TBC1D14: variants seen among roughly 807,000 people sequenced by gnomAD.
The protein encoded by TBC1D14 is TBC1 domain family, member 14.
Under a neutral mutation model 79.0 loss-of-function variants are expected in TBC1D14, and 26 were observed. The observed-to-expected ratio is 0.33, with a 90% CI of 0.24 to 0.46. TBC1D14 has a LOEUF of 0.46. TBC1D14 is among the 20% of genes least tolerant of loss of function. The pLI is 1.00. For missense variants in TBC1D14, 769 were observed against 887.6 expected, an observed-to-expected ratio of 0.87 and a Z score of 1.70; for synonymous variants, 394 against 349.9, an observed-to-expected ratio of 1.13 and a Z score of -1.40.
In TBC1D14 at chr4:6,923,635, C is replaced by T. The variant is rs142845338; in HGVS notation, c.246C>T (p.Ser82=). ...GGAACCCGGAGCCTGTACCCTGCAGCGCGGTCCACGTGAGGAGGAAGCAGT... is the reference window on the plus strand; with the variant it reads ...GGAACCCGGAGCCTGTACCCTGCAGTGCGGTCCACGTGAGGAGGAAGCAGT... ...EIGNPEPVPC[S]AVHVRRKQSD... The change falls in exon 2 of 14, where the codon AGC becomes AGT. Residue 82 remains serine (S), a synonymous_variant. Transcript: ENST00000409757. The T allele has an allele frequency of 2.3e-5, 37 of 1,613,930 alleles. 1 individual carries two copies. The highest frequency in any genetic ancestry group is 1.2e-4 in the African/African-American group (9 of 75,058).
chr4:6,987,608 C>G (rs1455555062), intron 3 of TBC1D14: 5 of 391,428 alleles, frequency 1.3e-5, no homozygotes, highest in African/African-American at 8.3e-5. Flanking sequence ...TTCTGGTTCA[C>G]GTTTACTAGG....
intron 13 of TBC1D14, among the ~76,000 whole-genome samples, chr4:7,028,606 TA>T (rs1480127886): frequency 1.3e-5 from 2 of 152,098 alleles, no homozygotes; most frequent in African/African-American, 4.8e-5. Context: ...TTTGTATTTT[TA>T]GTAGAGACGG....
At chr4:6,919,482 G>C (rs1226140524) in intron 1 of TBC1D14, among the ~76,000 whole-genome samples, 1 of 151,896 alleles carries the variant, frequency 6.6e-6, no homozygotes, top group Non-Finnish European at 1.5e-5. Flanking sequence ...ACTTTTGTCT[G>C]TATTTTTGCC....
At chr4:6,932,531 G>A (rs1711858622) in intron 2 of TBC1D14, among the ~76,000 whole-genome samples, 2 of 152,104 alleles carry the variant, frequency 1.3e-5, no homozygotes, top group African/African-American at 2.4e-5. Context: ...GAAGGGATAG[G>A]GTCAGTGGGA....
intron 2 of TBC1D14, among the ~76,000 whole-genome samples, chr4:6,955,875 G>A (rs193275659): frequency 1.3e-3 from 200 of 152,272 alleles, no homozygotes; most frequent in Non-Finnish European, 2.5e-3. Context: ...ACGTAAGTCC[G>A]AGTCGCAGCT....
At chr4:6,969,954 TG>T (rs956929567) in intron 3 of TBC1D14, among the ~76,000 whole-genome samples, 9 of 152,118 alleles carry the variant, frequency 5.9e-5, no homozygotes, top group African/African-American at 2.2e-4. Flanking sequence ...CCAAGGGACT[TG>T]GTGAAGCCTG....
intron 4 of TBC1D14, among the ~76,000 whole-genome samples, chr4:6,996,104 G>A (rs1011315055): frequency 1.3e-5 from 2 of 152,242 alleles, no homozygotes; most frequent in Non-Finnish European, 2.9e-5. Context: ...CCAAAGTGCT[G>A]GGATTGCAGG....
intron 3 of TBC1D14, among the ~76,000 whole-genome samples, chr4:6,992,931 AGG>A (rs1182712229): frequency 6.6e-6 from 1 of 152,208 alleles, no homozygotes; most frequent in Non-Finnish European, 1.5e-5. Flanking sequence ...ATATACATCC[AGG>A]TGTACAGAAA....
At chr4:6,982,286 A>G (rs1717448017) in intron 3 of TBC1D14, among the ~76,000 whole-genome samples, 1 of 152,240 alleles carries the variant, frequency 6.6e-6, no homozygotes, top group Non-Finnish European at 1.5e-5. Flanking sequence ...TGACTCAGTA[A>G]TAAACACACC....
At chr4:7,027,102 T>G (rs1460283923) in intron 13 of TBC1D14, among the ~76,000 whole-genome samples, 1 of 151,950 alleles carries the variant, frequency 6.6e-6, no homozygotes, top group Non-Finnish European at 1.5e-5. Flanking sequence ...TCCCAGCTAC[T>G]CGGGAGGCTG....
intron 2 of TBC1D14, among the ~76,000 whole-genome samples, chr4:6,937,653 CAGCCATGTT>C (rs1712470895): frequency 1.3e-5 from 2 of 152,204 alleles, no homozygotes; most frequent in African/African-American, 4.8e-5. Flanking sequence ...CGTCTTTCTC[CAGCCATGTT>C]TTTTGCACAG....
At chr4:6,976,940 A>G (rs1265514556) in intron 3 of TBC1D14, among the ~76,000 whole-genome samples, 5 of 151,648 alleles carry the variant, frequency 3.3e-5, no homozygotes, top group East Asian at 1.9e-4. Context: ...TTGAATATAC[A>G]TAACTCTCAT....
At chr4:6,996,133 G>C (rs1179499240) in intron 4 of TBC1D14, among the ~76,000 whole-genome samples, 192 bp from the exon 5 acceptor site, 1 of 152,224 alleles carries the variant, frequency 6.6e-6, no homozygotes, top group African/African-American at 2.4e-5. Flanking sequence ...ACATTCATTT[G>C]TTTTATAGTG....
chr4:6,925,608 T>C (rs1344062188), intron 2 of TBC1D14, among the ~76,000 whole-genome samples: 1 of 152,212 alleles, frequency 6.6e-6, no homozygotes, highest in Non-Finnish European at 1.5e-5. Context: ...CGGGAAACTT[T>C]CTTCTCGAAT....
intron 2 of TBC1D14, among the ~76,000 whole-genome samples, chr4:6,957,508 C>T (rs1441155750): frequency 6.6e-6 from 1 of 152,250 alleles, no homozygotes; most frequent in African/African-American, 2.4e-5. Context: ...GCCGGGGGCA[C>T]ACTTCCTCTC....
At chr4:6,952,955 C>A (rs528058837) in intron 2 of TBC1D14, among the ~76,000 whole-genome samples, 1 of 152,014 alleles carries the variant, frequency 6.6e-6, no homozygotes, top group South Asian at 2.1e-4. Flanking sequence ...GATTCTCCTG[C>A]CTCAGCCTCC....
At chr4:6,961,764 G>A (rs938957515) in intron 2 of TBC1D14, among the ~76,000 whole-genome samples, 12 of 152,168 alleles carry the variant, frequency 7.9e-5, no homozygotes, top group African/African-American at 2.4e-4. Flanking sequence ...CCTGCGGGGT[G>A]CCTGAAGGAG....
intron 2 of TBC1D14, among the ~76,000 whole-genome samples, chr4:6,957,936 A>G (rs1277644767): frequency 8.0e-6 from 1 of 125,402 alleles, no homozygotes; most frequent in African/African-American, 2.8e-5. Context: ...TAAATAAAAA[A>G]GGAGTGCTGG....
chr4:6,929,822 G>A (rs1203545312), intron 2 of TBC1D14, among the ~76,000 whole-genome samples: 7 of 152,236 alleles, frequency 4.6e-5, no homozygotes, highest in Non-Finnish European at 2.9e-5. Context: ...GGAGAATGCA[G>A]TTGCCCTGTT....
Sources: allele counts gnomAD v4.1 joint callset (sites outside exome capture counted in the v4.1 genomes callset), GRCh38; gene constraint gnomAD v4.1.1; transcripts MANE v1.5; gene names NCBI Gene and HGNC (gene_info 2026-07-23, HGNC 2026-07-21).